IFITM10: variants seen among roughly 807,000 people sequenced by gnomAD.
IFITM10 encodes the protein interferon induced transmembrane protein 10.
Under a neutral mutation model 19.0 loss-of-function variants are expected in IFITM10, and 17 were observed. The observed-to-expected ratio is 0.90, with a 90% CI of 0.61 to 1.34. The LOEUF (loss-of-function observed/expected upper bound fraction) is 1.34, where lower values mean the gene tolerates loss of function less well. Among genes scored for constraint, IFITM10 ranks in the 40% most tolerant of loss-of-function variants. IFITM10 has a pLI of 0.00. For missense variants in IFITM10, 306 were observed against 319.8 expected, an observed-to-expected ratio of 0.96 and a Z score of 0.33; for synonymous variants, 148 against 147.2, an observed-to-expected ratio of 1.01 and a Z score of -0.04.
intron 1 of IFITM10, chr11:1,749,101 A>G: frequency 8.9e-7 from 1 of 1,126,086 alleles, no homozygotes; most frequent in South Asian, 1.8e-5. Context: ...CTGTCTGTCC[A>G]CTGATCCGCC....
At position 1,750,511 on chromosome 11, in the gene IFITM10, C is replaced by T; in HGVS notation, c.-69G>A. On this transcript the variant is annotated 5_prime_UTR_variant, in exon 1 of 3. Transcript: ENST00000340134. ...GCCACTCTCAACTGGCCTCCTGTGT[C>T]TCCGCAACCCTCTTTCCTGTCTGGA... 6.5e-7 allele frequency: 1 copy of T among 1,539,218 alleles called. No individual in the cohort carries two copies. Among genetic ancestry groups the T allele is most frequent in the East Asian group, 2.5e-5 (1 of 40,802 alleles).
intron 1 of IFITM10, among the ~76,000 whole-genome samples, chr11:1,749,794 G>A (rs751871403): frequency 6.6e-6 from 1 of 151,882 alleles, no homozygotes; most frequent in Non-Finnish European, 1.5e-5. Context: ...AGGCCTTCCG[G>A]TAAGTTTCAG....
intron 1 of IFITM10, among the ~76,000 whole-genome samples, chr11:1,750,066 C>T (rs1845699813): frequency 6.6e-6 from 1 of 152,148 alleles, no homozygotes; most frequent in African/African-American, 2.4e-5. Flanking sequence ...GTTTACTCAC[C>T]TGCCCACAGC....
intron 2 of IFITM10, chr11:1,744,762 T>C (rs1485277815): frequency 2.6e-5 from 4 of 152,470 alleles, no homozygotes; most frequent in African/African-American, 9.6e-5. Context: ...GCTTGAATGT[T>C]GTTTTGTTTC....
intron 1 of IFITM10, among the ~76,000 whole-genome samples, chr11:1,749,780 G>C (rs59386389): frequency 0.045 from 6,899 of 151,720 alleles, 526 homozygotes; most frequent in African/African-American, 0.16. Flanking sequence ...AGCCCACCAA[G>C]TCCAGGCCTT....
Position 1,748,979 on chromosome 11 carries a change from G to A in IFITM10, c.85-860C>T. On this transcript the variant is annotated intron_variant, in intron 1 of 2. Transcript: ENST00000340134. Reference sequence around the variant, plus strand: ...GGCTCTGCAGCCCCCAGCCCCATCCGGGTCTGCCGCAGCCCCCCGGACGGC... The same window carrying A: ...GGCTCTGCAGCCCCCAGCCCCATCCAGGTCTGCCGCAGCCCCCCGGACGGC... 3 of 958,196 alleles carry A rather than the reference G, an allele frequency of 3.1e-6. No homozygotes were observed. In the South Asian group the frequency reaches 8.8e-5, roughly 28 times the overall value. 59.4% of individuals were successfully genotyped at this position (958,196 alleles called of 1,614,324 possible).
chr11:1,749,904 C>G (rs1000734176), intron 1 of IFITM10, among the ~76,000 whole-genome samples: 1 of 152,176 alleles, frequency 6.6e-6, no homozygotes, highest in Non-Finnish European at 1.5e-5. Context: ...GGGCCCCACT[C>G]CAGTTCACTC....
chr11:1,750,213 C>T (rs989843446), intron 1 of IFITM10, 146 bp downstream of exon 1: 11 of 1,425,138 alleles, frequency 7.7e-6, no homozygotes, highest in South Asian at 2.5e-5. Context: ...CTCACTCTCA[C>T]GGTATGCTTG....
intron 2 of IFITM10, among the ~76,000 whole-genome samples, chr11:1,741,290 G>A (rs897088327): frequency 2.6e-5 from 4 of 151,850 alleles, no homozygotes; most frequent in Admixed American, 1.3e-4. Context: ...AAACGGGCCC[G>A]AGAAGAGTGG....
Position 1,735,319 on chromosome 11 carries a change from G to A in IFITM10, c.648C>T (p.Leu216=), listed in dbSNP as rs558406910. Reference sequence around the variant, plus strand: ...GGGGGTACCGCAGGAAGATGAAGACGAGGATGATGCAGGAGGCTGCCAGGG... The same window carrying A: ...GGGGGTACCGCAGGAAGATGAAGACAAGGATGATGCAGGAGGCTGCCAGGG... The part of the protein sequence containing the change: ...SSALAASCII[L]VFIFLRYPLT... The change falls in exon 3 of 3, where the codon CTC becomes CTT. Residue 216 remains leucine (L), a synonymous_variant. Transcript: ENST00000340134. 3.5e-5 allele frequency: 55 copies of A among 1,551,742 alleles called. No individual in the cohort carries two copies. The highest frequency in any genetic ancestry group is 1.8e-4 in the African/African-American group (13 of 73,178).
intron 2 of IFITM10, among the ~76,000 whole-genome samples, chr11:1,747,222 G>A (rs1476591201): frequency 1.3e-5 from 2 of 152,106 alleles, no homozygotes; most frequent in African/African-American, 2.4e-5. Flanking sequence ...GGATAAGAAG[G>A]TGGCCCCTCT....
intron 2 of IFITM10, among the ~76,000 whole-genome samples, chr11:1,741,785 C>T (rs1400999935): frequency 6.6e-6 from 1 of 152,138 alleles, no homozygotes; most frequent in Admixed American, 6.5e-5. Context: ...TCATGTCCCC[C>T]AAATTCCTGT....
At chr11:1,738,575 G>A (rs373513864) in intron 2 of IFITM10, among the ~76,000 whole-genome samples, 24 of 152,320 alleles carry the variant, frequency 1.6e-4, no homozygotes, top group African/African-American at 5.8e-4. Flanking sequence ...GGGAGGTGAT[G>A]TGTGGATATG....
chr11:1,740,908 G>A (rs1162387613), intron 2 of IFITM10, among the ~76,000 whole-genome samples: 3 of 151,494 alleles, frequency 2.0e-5, no homozygotes, highest in Non-Finnish European at 4.4e-5. Context: ...AAAGTGTGAG[G>A]TGCCTCCCCC....
chr11:1,750,485 T>C lies in IFITM10; in HGVS notation c.-43A>G, dbSNP rs1381432372. 1 of 1,549,894 alleles carries C rather than the reference T, an allele frequency of 6.5e-7. No individual in the cohort carries two copies. Among genetic ancestry groups the C allele is most frequent in the East Asian group, 2.4e-5 (1 of 40,900 alleles). On this transcript the variant is annotated 5_prime_UTR_variant, in exon 1 of 3. Coordinates refer to ENST00000340134, the MANE Select transcript of IFITM10 (RefSeq NM_001170820.4). ...CCTCCCATGAAACTCCTTTCTCCTCTGCCACTCTCAACTGGCCTCCTGTGT... is the reference window on the plus strand; with the variant it reads ...CCTCCCATGAAACTCCTTTCTCCTCCGCCACTCTCAACTGGCCTCCTGTGT...
chr11:1,749,608 G>C (rs1590900984), intron 1 of IFITM10, among the ~76,000 whole-genome samples: 1 of 151,790 alleles, frequency 6.6e-6, no homozygotes, highest in East Asian at 2.0e-4. Flanking sequence ...CTGCCCTTCT[G>C]GCCTGTTGAC....
intron 2 of IFITM10, chr11:1,746,105 A>C (rs897018286): frequency 1.3e-4 from 20 of 153,998 alleles, no homozygotes; most frequent in African/African-American, 4.6e-4. Context: ...AGGTACATAC[A>C]GCGCACATGC....
chr11:1,739,226 C>T (rs1052820511), intron 2 of IFITM10, among the ~76,000 whole-genome samples: 1 of 151,964 alleles, frequency 6.6e-6, no homozygotes, highest in Non-Finnish European at 1.5e-5. Flanking sequence ...GATATAGTAA[C>T]GGATGCTGGA....
chr11:1,743,810 C>G (rs1225672258), intron 2 of IFITM10, among the ~76,000 whole-genome samples: 1 of 152,130 alleles, frequency 6.6e-6, no homozygotes. Flanking sequence ...TGCCTCGAGG[C>G]TTGTCTTGTC....
Sources: allele counts gnomAD v4.1 joint callset (sites outside exome capture counted in the v4.1 genomes callset), GRCh38; gene constraint gnomAD v4.1.1; transcripts MANE v1.5; gene names NCBI Gene and HGNC (gene_info 2026-07-23, HGNC 2026-07-21).